Variants in BAIAP2 observed in about 807,000 individuals in gnomAD.
BAIAP2 encodes the protein BAR/IMD domain containing adaptor protein 2.
BAIAP2 carries 18 observed loss-of-function variants against 63.0 expected under a neutral mutation model. That is an observed-to-expected ratio of 0.29 (90% CI 0.20 to 0.42). The LOEUF is 0.42. BAIAP2 is among the 10% of genes least tolerant of loss of function. The pLI, the probability that BAIAP2 is intolerant of heterozygous loss-of-function variation, is 1.00. For synonymous variants in BAIAP2, 386 were observed against 307.6 expected, an observed-to-expected ratio of 1.25 and a Z score of -2.67; for missense variants, 610 against 734.3, an observed-to-expected ratio of 0.83 and a Z score of 1.96.
chr17:81,094,544 C>G (rs1374517248), intron 6 of BAIAP2, among the ~76,000 whole-genome samples: 2 of 152,284 alleles, frequency 1.3e-5, no homozygotes, highest in East Asian at 3.9e-4. Flanking sequence ...CCACCGGGGC[C>G]AGAGGGTGCG....
intron 3 of BAIAP2, among the ~76,000 whole-genome samples, chr17:81,080,359 G>T (rs1034255850): frequency 1.3e-5 from 2 of 152,348 alleles, no homozygotes; most frequent in South Asian, 2.1e-4. Flanking sequence ...GGATGATTTT[G>T]TGCAGCCGCC....
intron 3 of BAIAP2, among the ~76,000 whole-genome samples, chr17:81,071,363 G>T (rs7503730): frequency 0.87 from 131,954 of 152,130 alleles, 58,908 homozygotes; most frequent in East Asian, 1. Flanking sequence ...CCGTGATGAG[G>T]GCGCTCTGTT....
intron 3 of BAIAP2, among the ~76,000 whole-genome samples, chr17:81,059,743 G>T (rs553707982): frequency 6.6e-6 from 1 of 152,216 alleles, no homozygotes; most frequent in Admixed American, 6.5e-5. Context: ...GAGCCACCAC[G>T]CCTGGCTGAA....
chr17:81,064,145 C>T (rs1237814777), intron 3 of BAIAP2, among the ~76,000 whole-genome samples: 9 of 152,244 alleles, frequency 5.9e-5, no homozygotes, highest in African/African-American at 4.8e-5. Flanking sequence ...TGCCCTTCTT[C>T]CTCCTCTTCT....
At chr17:81,074,598 TGC>T (rs2053317213) in intron 3 of BAIAP2, among the ~76,000 whole-genome samples, 1 of 150,746 alleles carries the variant, frequency 6.6e-6, no homozygotes, top group African/African-American at 2.5e-5. Flanking sequence ...TGCCTGTGTG[TGC>T]GTGCACGGAT....
At chr17:81,048,814 C>T (rs1406440695) in intron 1 of BAIAP2, among the ~76,000 whole-genome samples, 1 of 152,192 alleles carries the variant, frequency 6.6e-6, no homozygotes, top group African/African-American at 2.4e-5. Flanking sequence ...GCCACTGGGA[C>T]ATCCGTCTCT....
At chr17:81,101,897 C>G (rs78682947) in intron 7 of BAIAP2, among the ~76,000 whole-genome samples, 1 of 152,254 alleles carries the variant, frequency 6.6e-6, no homozygotes, top group African/African-American at 2.4e-5. Flanking sequence ...GCAGGCCTCC[C>G]GCCTGCTAGA....
chr17:81,109,813 A>G (rs1417649785), intron 13 of BAIAP2: 1 of 984,584 alleles, frequency 1.0e-6, no homozygotes, highest in African/African-American at 1.8e-5. Context: ...AGACCACCCC[A>G]CCCCCACATT....
chr17:81,104,832 C>G (rs2058930541), intron 10 of BAIAP2, 117 bp downstream of exon 10: 1 of 1,134,516 alleles, frequency 8.8e-7, no homozygotes, highest in Non-Finnish European at 1.2e-6. Context: ...GGTTGCGGGT[C>G]CTCGCCGTAG....
At position 81,036,783 on chromosome 17, in the gene BAIAP2, T is replaced by TG. The variant is rs922703347; in HGVS notation, c.54+1477dup. 5.7e-5 allele frequency: 71 copies of TG among 1,248,726 alleles called. No homozygotes were observed. The African/African-American group carries it at 8.9e-4, about 16-fold the overall frequency. The allele number at this position is 1,248,726 out of a possible 1,614,324, so 77.4% of individuals were successfully genotyped here. A position where few individuals can be genotyped will look rare whatever the true frequency, so the allele number is the denominator to read the frequency against. ...ATACGGTTCTGGCCTTGTTGCTCTG[T>TG]GGAAGCACATGTTGTCAAGGGAGGG... On this transcript the variant is annotated intron_variant, in intron 1 of 13. Coordinates refer to ENST00000428708, the MANE Select transcript of BAIAP2 (RefSeq NM_001144888.2).
At chr17:81,093,163 C>A (rs970158814) in intron 6 of BAIAP2, among the ~76,000 whole-genome samples, 2 of 151,374 alleles carry the variant, frequency 1.3e-5, no homozygotes, top group African/African-American at 4.9e-5. Flanking sequence ...GAGGAGGGAG[C>A]CCCGGCCCGC....
intron 8 of BAIAP2, 47 bp from the exon 9 acceptor site, chr17:81,103,859 GC>G (rs752448517): frequency 6.2e-7 from 1 of 1,606,532 alleles, no homozygotes; most frequent in Non-Finnish European, 8.5e-7. Context: ...CCCTGGTCTT[GC>G]CCGGGGTGGG....
chr17:81,097,788 C>G (rs936175711), intron 6 of BAIAP2: 16 of 245,022 alleles, frequency 6.5e-5, no homozygotes, highest in African/African-American at 3.1e-4. Context: ...AAGCAGCTAG[C>G]CTCCTGCGGC....
At chr17:81,057,593 A>T in intron 2 of BAIAP2, 1 of 1,106,786 alleles carries the variant, frequency 9.0e-7, no homozygotes. Flanking sequence ...GCCTGGTAGC[A>T]CGTGATAGGG....
rs2058267372 is a variant in BAIAP2 at position 81,099,936 on chromosome 17, C to T, written c.498C>T (p.Asp166=). ...KYSDKELQYI[D]AISNKQGELE... ...TCCCTTTCCCTCCACAGTACATCGACGCCATCAGCAACAAGCAGGGCGAGC... is the reference window on the plus strand; with the variant it reads ...TCCCTTTCCCTCCACAGTACATCGATGCCATCAGCAACAAGCAGGGCGAGC... Residue 166 remains aspartate, a synonymous_variant, in exon 7 of 14, where the codon GAC becomes GAT. Coordinates refer to ENST00000428708, the MANE Select transcript of BAIAP2 (RefSeq NM_001144888.2). 5.0e-6 allele frequency: 8 copies of T among 1,613,236 alleles called. No homozygotes were observed. Among genetic ancestry groups the T allele is most frequent in the Middle Eastern group, 1.7e-4 (1 of 6,056 alleles).
intron 13 of BAIAP2, chr17:81,108,995 G>T: frequency 6.5e-7 from 1 of 1,547,820 alleles, no homozygotes; most frequent in African/African-American, 1.4e-5. Context: ...TGTCCACAGT[G>T]TGAGGACGCT....
intron 3 of BAIAP2, among the ~76,000 whole-genome samples, chr17:81,060,117 A>G (rs1203874965): frequency 1.3e-5 from 2 of 152,190 alleles, no homozygotes; most frequent in African/African-American, 2.4e-5. Context: ...GTGCATCTGC[A>G]GAGGGCCAGC....
At chr17:81,102,620 A>T (rs1207642080) in intron 7 of BAIAP2, among the ~76,000 whole-genome samples, 1 of 152,212 alleles carries the variant, frequency 6.6e-6, no homozygotes, top group African/African-American at 2.4e-5. Context: ...AGCCAGCAGC[A>T]GAGGGGTAGG....
chr17:81,104,368 GT>G (rs1258223019), intron 9 of BAIAP2, 145 bp from the exon 10 acceptor site: 2 of 935,428 alleles, frequency 2.1e-6, no homozygotes, highest in Non-Finnish European at 3.2e-6. Context: ...TTGGGAGCAG[GT>G]AGCTGCTGCT....
Sources: gnomAD v4.1 joint callset for allele counts (sites outside exome capture counted in the v4.1 genomes callset) on GRCh38, gnomAD v4.1.1 for gene constraint, MANE v1.5 for transcripts, NCBI Gene and HGNC (gene_info 2026-07-23, HGNC 2026-07-21) for gene names.